Variants in HOXB9 observed in about 807,000 individuals in gnomAD.
The protein encoded by HOXB9 is homeobox protein Hox-B9.
A neutral mutation model predicts 21.5 loss-of-function variants in HOXB9; 10 were observed. The ratio of observed to expected loss-of-function variants is 0.47; its 90% CI spans 0.29 to 0.79. The LOEUF (loss-of-function observed/expected upper bound fraction) is 0.79. HOXB9 is among the 30% of genes least tolerant of loss of function. The pLI is 0.10. For synonymous variants in HOXB9, 156 were observed against 151.2 expected, an observed-to-expected ratio of 1.03 and a Z score of -0.23; for missense variants, 375 against 338.7, an observed-to-expected ratio of 1.11 and a Z score of -0.84.
In HOXB9 at chr17:48,622,765, G is replaced by C. The variant is rs142714273; in HGVS notation, c.*135C>G. The C allele has an allele frequency of 7.5e-3, 4,871 of 650,746 alleles. 34 individuals carry two copies. Among genetic ancestry groups the C allele is most frequent in the Non-Finnish European group, 8.6e-3 (3,239 of 374,768 alleles). The allele number at this position is 650,746 out of a possible 1,614,324, so 40.3% of individuals were successfully genotyped here. A position where few individuals can be genotyped will look rare whatever the true frequency, so the allele number is the denominator to read the frequency against. The stretch of plus-strand genomic sequence containing the variant: ...GGAAAGGAGGGAGGTTCTAGGTGCA[G>C]ATAAAGGACTTGGAAGAGAGACTCC... On this transcript the variant is annotated 3_prime_UTR_variant, in exon 2 of 2. Coordinates refer to ENST00000311177, the MANE Select transcript of HOXB9 (RefSeq NM_024017.5).
At chr17:48,625,189 T>C (rs2070801760) in intron 1 of HOXB9, among the ~76,000 whole-genome samples, 1 of 152,260 alleles carries the variant, frequency 6.6e-6, no homozygotes, top group Non-Finnish European at 1.5e-5. Flanking sequence ...TCTGCGCGGC[T>C]ACAGCGCGAG....
rs546963990 is a variant in HOXB9, at chr17:48,623,675, C to A, written c.518-540G>T. ...TCACAAACAAGCTTGTGTCTCTAGACCACATGGCAGCAGGCATGTGTGTCT... is the reference window on the plus strand; with the variant it reads ...TCACAAACAAGCTTGTGTCTCTAGAACACATGGCAGCAGGCATGTGTGTCT... On this transcript the variant is annotated intron_variant, in intron 1 of 1. Coordinates refer to ENST00000311177, the MANE Select transcript of HOXB9 (RefSeq NM_024017.5). 3.3e-5 allele frequency among the ~76,000 whole-genome samples: 5 copies of A among 152,262 alleles called. No individual in the cohort carries two copies. The East Asian group carries it at 9.7e-4, about 29-fold the overall frequency.
In HOXB9 at chr17:48,623,057, T is replaced by G. The variant is rs1305681723; in HGVS notation, c.596A>C (p.Glu199Ala). The change falls in exon 2 of 2, where the codon GAG becomes GCG. Residue 199 changes from glutamate (E) to alanine (A), a missense_variant. Transcript: ENST00000311177. Reference sequence around the variant, plus strand: ...ATTGAACAGAAACTCCTTCTCTAGCTCCAGCGTCTGGTATTTGGTGTAGGG... The same window carrying G: ...ATTGAACAGAAACTCCTTCTCTAGCGCCAGCGTCTGGTATTTGGTGTAGGG... ...RCPYTKYQTL[E>A]LEKEFLFNMY... 6.2e-7 allele frequency: 1 copy of G among 1,614,066 alleles called. No homozygotes were observed. The highest frequency in any genetic ancestry group is 1.3e-5 in the African/African-American group (1 of 74,914).
chr17:48,624,263 C>T (rs2070794061), intron 1 of HOXB9, among the ~76,000 whole-genome samples: 1 of 152,108 alleles, frequency 6.6e-6, no homozygotes, highest in African/African-American at 2.4e-5. Flanking sequence ...CACTAAGTAC[C>T]GTGTCTTACC....
rs767249057 is a variant in HOXB9 at position 48,623,087 on chromosome 17, C to A, written c.566G>T (p.Arg189Leu). The change falls in exon 2 of 2, where the codon CGC (arginine) becomes CTC (leucine). Residue 189 changes from arginine to leucine, a missense_variant. By Grantham distance (102) the Arg-to-Leu change is moderately radical (BLOSUM62 -2). Coordinates refer to ENST00000311177, the MANE Select transcript of HOXB9 (RefSeq NM_024017.5). ...CGTCTGGTATTTGGTGTAGGGACAG[C>A]GCTTTTTCCGGGAAGAGCGAGCGTG... ...WLHARSSRKK[R>L]CPYTKYQTLE... 3 of 1,613,892 alleles carry A rather than the reference C, an allele frequency of 1.9e-6. No individual in the cohort carries two copies. Among genetic ancestry groups the A allele is most frequent in the Admixed American group, 1.7e-5 (1 of 59,984 alleles).
chr17:48,621,185 GTTCT>G lies in HOXB9; in HGVS notation c.*1711_*1714del, dbSNP rs1165688392. On this transcript the variant is annotated 3_prime_UTR_variant, in exon 2 of 2. Coordinates refer to ENST00000311177, the MANE Select transcript of HOXB9 (RefSeq NM_024017.5). ...TTTTCTAGAGTGATATATATTTTTT[GTTCT>G]TTTTCTTTTTTTCTTCCAAAACAAA... 2 of 152,444 alleles carry G rather than the reference GTTCT, an allele frequency of 1.3e-5. No individual in the cohort carries two copies. The highest frequency in any genetic ancestry group is 4.8e-5 in the African/African-American group (2 of 41,374). 9.4% of individuals were successfully genotyped at this position (152,444 alleles called of 1,614,324 possible).
chr17:48,622,931 T>C lies in HOXB9; in HGVS notation c.722A>G (p.Lys241Arg), dbSNP rs201813160. ...TTTGCCCTGCTCCTTATTCATTTTC[T>C]TCATTTTCATCCGCCGGTTCTGAAA... ...IWFQNRRMKM[K>R]KMNKEQGKE The change falls in exon 2 of 2, where the codon AAG (lysine) becomes AGG (arginine). Residue 241 changes from lysine (K) to arginine (R), a missense_variant. Transcript: ENST00000311177. 9 of 1,614,198 alleles carry C rather than the reference T, an allele frequency of 5.6e-6. No homozygotes were observed. Among genetic ancestry groups the C allele is most frequent in the Non-Finnish European group, 6.8e-6 (8 of 1,179,990 alleles).
In HOXB9 at chr17:48,625,810, C is replaced by G; in HGVS notation, c.460G>C (p.Gly154Arg). ...TCGCAAATTTTATTGTCCCCGTAGC[C>G]GGGTCTTTGATTAGACAGCACGGCC... is the stretch of plus-strand genomic sequence containing the variant. Reference protein sequence around the residue: ...REAVLSNQRPGYGDNKICEGS... With the variant: ...REAVLSNQRPRYGDNKICEGS... Residue 154 changes from glycine (G) to arginine (R), a missense_variant, in exon 1 of 2, where the codon GGC becomes CGC. Physicochemically the swap from Gly to Arg is moderately radical, Grantham distance 125. Transcript: ENST00000311177. 6.2e-7 allele frequency: 1 copy of G among 1,608,878 alleles called. No homozygotes were observed. Among genetic ancestry groups the G allele is most frequent in the Non-Finnish European group, 8.5e-7 (1 of 1,178,012 alleles).
intron 1 of HOXB9, among the ~76,000 whole-genome samples, chr17:48,624,598 C>T (rs1369123584): frequency 6.6e-6 from 1 of 152,056 alleles, no homozygotes; most frequent in Non-Finnish European, 1.5e-5. Context: ...GGGGCCACTC[C>T]GTCAATGGGA....
chr17:48,626,303 G>A lies in HOXB9; in HGVS notation c.-34C>T. The A allele has an allele frequency of 1.3e-6, 2 of 1,550,580 alleles. No individual in the cohort carries two copies. Among genetic ancestry groups the A allele is most frequent in the Admixed American group, 3.7e-5 (2 of 53,656 alleles). ...ATTATCCGGGCGCTTGCAGGGGGAA[G>A]GGAAGCGCTCGCGCGGCGGCGCCCA... On this transcript the variant is annotated 5_prime_UTR_variant, in exon 1 of 2. Transcript: ENST00000311177.
intron 1 of HOXB9, among the ~76,000 whole-genome samples, chr17:48,623,791 C>A (rs1170402748): frequency 6.6e-6 from 1 of 152,196 alleles, no homozygotes; most frequent in Non-Finnish European, 1.5e-5. Context: ...CCAATTCACA[C>A]GCAATGCAAT....
At chr17:48,625,041 G>A (rs766277750) in intron 1 of HOXB9, among the ~76,000 whole-genome samples, 1 of 152,238 alleles carries the variant, frequency 6.6e-6, no homozygotes, top group Admixed American at 6.5e-5. Flanking sequence ...AAAAGGAAGC[G>A]GTAGCCCCTG....
chr17:48,626,277 CATT>C lies in HOXB9; in HGVS notation c.-11_-9del. On this transcript the variant is annotated 5_prime_UTR_variant, in exon 1 of 2. It adds an upstream start codon to the 5' untranslated region. Transcript: ENST00000311177. ...CGTCCCAGAAATGGACATTCTCAGA[CATT>C]ATCCGGGCGCTTGCAGGGGGAAGGG... 1.3e-6 allele frequency: 2 copies of C among 1,576,978 alleles called. No homozygotes were observed. The highest frequency in any genetic ancestry group is 1.7e-6 in the Non-Finnish European group (2 of 1,165,402).
In HOXB9 at chr17:48,623,114, A is replaced by G; in HGVS notation, c.539T>C (p.Leu180Pro). ...CTTTTTCCGGGAAGAGCGAGCGTGC[A>G]GCCAGTTGGCGGAGGGGTTGGCTGA... ...PDQTNPSANW[L>P]HARSSRKKRC... Residue 180 changes from leucine (L) to proline (P), a missense_variant, in exon 2 of 2, where the codon CTG (leucine) becomes CCG (proline). Leu to Pro is a moderately conservative substitution (Grantham distance 98, BLOSUM62 -3). Transcript: ENST00000311177. The G allele has an allele frequency of 6.2e-7, 1 of 1,613,594 alleles. No individual in the cohort carries two copies.
chr17:48,625,531 G>A (rs2070805130), intron 1 of HOXB9, among the ~76,000 whole-genome samples: 1 of 152,246 alleles, frequency 6.6e-6, no homozygotes, highest in African/African-American at 2.4e-5. Flanking sequence ...GCAGGACTTG[G>A]AGAAGTGGGG....
In HOXB9 at chr17:48,623,017, CCT is replaced by C; in HGVS notation, c.634_635del (p.Arg212GlyfsTer3). The C allele has an allele frequency of 6.2e-7, 1 of 1,614,194 alleles. No homozygotes were observed. ...GTCTGGCCACTTCGTGCCTACGGTC[CCT>C]GGTGAGGTACATATTGAACAGAAAC... ...KEFLFNMYLTRDRRHEVARLL... is the reference protein window; with the variant it reads ...KEFLFNMYLTXDRRHEVARLL... On this transcript the variant is annotated frameshift_variant, in exon 2 of 2. Coordinates refer to ENST00000311177, the MANE Select transcript of HOXB9 (RefSeq NM_024017.5). LOFTEE classifies it high-confidence loss of function.
At position 48,625,957 on chromosome 17, in the gene HOXB9, C is replaced by T. The variant is rs767589206; in HGVS notation, c.313G>A (p.Gly105Ser). ...TGGCCCTGCCCCGGGGCCGCTTCGC[C>T]GCGCGGCGCCGGCTCCAGCCAGGTG... ...LRTWLEPAPR[G>S]EAAPGQGQAA... The change falls in exon 1 of 2, where the codon GGC (glycine) becomes AGC (serine). Residue 105 changes from glycine (G) to serine (S), a missense_variant. Coordinates refer to ENST00000311177, the MANE Select transcript of HOXB9 (RefSeq NM_024017.5). 3.8e-5 allele frequency: 56 copies of T among 1,486,706 alleles called. No homozygotes were observed. Among genetic ancestry groups the T allele is most frequent in the Non-Finnish European group, 4.6e-5 (52 of 1,129,758 alleles). 92.1% of individuals were successfully genotyped at this position (1,486,706 alleles called of 1,614,324 possible). A position where few individuals can be genotyped will look rare whatever the true frequency, so the allele number is the denominator to read the frequency against.
At position 48,626,309 on chromosome 17, in the gene HOXB9, C is replaced by G. The variant is rs954184221; in HGVS notation, c.-40G>C. On this transcript the variant is annotated 5_prime_UTR_variant, in exon 1 of 2. Transcript: ENST00000311177. ...CGGGCGCTTGCAGGGGGAAGGGAAG[C>G]GCTCGCGCGGCGGCGCCCAAGCAGG... The G allele has an allele frequency of 5.8e-6, 9 of 1,541,270 alleles. No individual in the cohort carries two copies. The highest frequency in any genetic ancestry group is 7.0e-6 in the Non-Finnish European group (8 of 1,149,638).
intron 1 of HOXB9, 22 bp from the exon 2 acceptor site, chr17:48,623,157 A>T: frequency 6.3e-7 from 1 of 1,594,952 alleles, no homozygotes; most frequent in Non-Finnish European, 8.6e-7. Context: ...GCAGCGATAG[A>T]ATCAAAGAAA....
Sources: gnomAD v4.1 joint callset for allele counts (sites outside exome capture counted in the v4.1 genomes callset) on GRCh38, gnomAD v4.1.1 for gene constraint, MANE v1.5 for transcripts, NCBI Gene and HGNC (gene_info 2026-07-23, HGNC 2026-07-21) for gene names.